The following ZPBP variants were observed in gnomAD, a reference collection of about 807,000 sequenced individuals.
ZPBP encodes the protein zona pellucida binding protein.
ZPBP carries 26 observed loss-of-function variants against 44.8 expected under a neutral mutation model. That is an observed-to-expected ratio of 0.58 (90% CI 0.43 to 0.81). The LOEUF (loss-of-function observed/expected upper bound fraction) is 0.81, where lower values mean the gene tolerates loss of function less well. ZPBP is among the 30% of genes least tolerant of loss of function. ZPBP has a pLI of 0.00. For missense variants in ZPBP, 409 were observed against 434.0 expected (o/e 0.94, Z 0.51); for synonymous variants, 174 against 153.2 (o/e 1.14, Z -1.00).
intron 3 of ZPBP, among the ~76,000 whole-genome samples, chr7:50,063,847 G>C (rs566200498): frequency 3.9e-5 from 6 of 152,214 alleles, no homozygotes; most frequent in Non-Finnish European, 5.9e-5. Context: ...AATAAATCTA[G>C]TGCCCTTGAT....
intron 2 of ZPBP, among the ~76,000 whole-genome samples, chr7:49,892,629 T>C (rs886981805): frequency 6.6e-6 from 1 of 152,220 alleles, no homozygotes; most frequent in Non-Finnish European, 1.5e-5. Context: ...TTTTTGTGTG[T>C]GCTCTCTCAG....
intron 2 of ZPBP, among the ~76,000 whole-genome samples, chr7:49,899,783 A>G (rs1046123660): frequency 6.6e-6 from 1 of 151,970 alleles, no homozygotes; most frequent in African/African-American, 2.4e-5. Flanking sequence ...AAAAATCAGT[A>G]AGGACATAGT....
At chr7:49,885,505 A>AAGAG (rs1791862786) in intron 2 of ZPBP, among the ~76,000 whole-genome samples, 1 of 152,200 alleles carries the variant, frequency 6.6e-6, no homozygotes. Flanking sequence ...AAAAGGTAAA[A>AAGAG]CTCGTTATAT....
chr7:49,848,685 C>T (rs113161397), downstream of ZPBP, among the ~76,000 whole-genome samples: 4,023 of 152,296 alleles, frequency 0.026, 154 homozygotes, highest in South Asian at 0.12. Flanking sequence ...CCTCCTCAGA[C>T]CTTATATGTT....
intron 1 of ZPBP, among the ~76,000 whole-genome samples, chr7:50,091,426 G>A (rs1201265676): frequency 6.6e-6 from 1 of 152,076 alleles, no homozygotes; most frequent in Admixed American, 6.6e-5. Context: ...GGGATAATTG[G>A]AAAGCCACAT....
chr7:49,967,692 ATG>A (rs532959729), intron 7 of ZPBP, among the ~76,000 whole-genome samples: 167 of 152,242 alleles, frequency 1.1e-3, no homozygotes, highest in African/African-American at 3.9e-3. Context: ...GATTACAGGC[ATG>A]TGCCACCACG....
At chr7:49,861,033 ACT>A (rs1790631719) in intron 2 of ZPBP, among the ~76,000 whole-genome samples, 1 of 152,142 alleles carries the variant, frequency 6.6e-6, no homozygotes, top group Non-Finnish European at 1.5e-5. Context: ...TAAGAAAGTA[ACT>A]CTGTTTTAAT....
chr7:49,932,399 G>A (rs1045455644), intron 1 of ZPBP, among the ~76,000 whole-genome samples: 2 of 152,256 alleles, frequency 1.3e-5, no homozygotes, highest in African/African-American at 4.8e-5. Flanking sequence ...ACCTGGATGT[G>A]AGACATGGAG....
At chr7:49,885,176 A>C (rs1232071446) in intron 2 of ZPBP, among the ~76,000 whole-genome samples, 1 of 152,144 alleles carries the variant, frequency 6.6e-6, no homozygotes, top group Non-Finnish European at 1.5e-5. Context: ...CACATAAGAA[A>C]TTGAAATAAT....
intron 1 of ZPBP, chr7:49,920,049 A>G (rs1027456529): frequency 6.6e-6 from 1 of 152,014 alleles, no homozygotes; most frequent in African/African-American, 2.4e-5. Flanking sequence ...TTTTTTTGGT[A>G]CAATAAACAG....
chr7:49,879,229 A>T (rs1225025335), intron 2 of ZPBP, among the ~76,000 whole-genome samples: 6 of 152,136 alleles, frequency 3.9e-5, no homozygotes, highest in Non-Finnish European at 1.5e-5. Flanking sequence ...CTTTTATCTT[A>T]TTGAATATAG....
chr7:50,012,785 A>G (rs545904866), intron 6 of ZPBP, among the ~76,000 whole-genome samples: 100 of 150,800 alleles, frequency 6.6e-4, no homozygotes, highest in African/African-American at 2.3e-3. Flanking sequence ...TGTAGATTAC[A>G]GGTATTCAGA....
At chr7:49,982,592 A>T (rs572085054) in intron 7 of ZPBP, among the ~76,000 whole-genome samples, 36 of 151,282 alleles carry the variant, frequency 2.4e-4, no homozygotes, top group African/African-American at 8.2e-4. Flanking sequence ...CTCAATCTCA[A>T]ACTTCTCAGC....
intron 2 of ZPBP, among the ~76,000 whole-genome samples, chr7:49,863,690 G>A (rs1373056179): frequency 6.6e-6 from 1 of 152,006 alleles, no homozygotes; most frequent in Non-Finnish European, 1.5e-5. Context: ...CTCAGCCTCC[G>A]AAAGTGCTGG....
At chr7:49,952,581 CATT>C (rs1359889306) in intron 7 of ZPBP, among the ~76,000 whole-genome samples, 16 of 151,948 alleles carry the variant, frequency 1.1e-4, no homozygotes, top group Non-Finnish European at 1.9e-4. Flanking sequence ...AAGCCCATCA[CATT>C]ACAGGCAGGG....
intron 2 of ZPBP, among the ~76,000 whole-genome samples, chr7:49,893,960 C>T (rs1225283427): frequency 6.6e-6 from 1 of 152,156 alleles, no homozygotes; most frequent in Non-Finnish European, 1.5e-5. Context: ...ATGCTGGACC[C>T]TGCTGGGCTC....
rs189986138 is a variant in ZPBP at position 49,880,438 on chromosome 7, T to C, written n.509+20680A>G. On this transcript the variant is annotated intron_variant and non_coding_transcript_variant, in intron 2 of 2. Transcript: ENST00000465922. Reference sequence around the variant, plus strand: ...AGCATTTTGTTTTCTTTTGTTTTGTTTTTGACCTGGAGTTTTCCTTGTGGG... The same window carrying C: ...AGCATTTTGTTTTCTTTTGTTTTGTCTTTGACCTGGAGTTTTCCTTGTGGG... Among the ~76,000 whole-genome samples, 98 of 151,764 alleles carry C rather than the reference T, an allele frequency of 6.5e-4. 1 individual carries two copies. The East Asian group carries it at 0.018, about 28-fold the overall frequency.
intron 4 of ZPBP, among the ~76,000 whole-genome samples, chr7:50,050,166 C>T (rs1371014104): frequency 1.3e-5 from 2 of 151,980 alleles, no homozygotes; most frequent in Admixed American, 1.3e-4. Flanking sequence ...AGGAAGGATG[C>T]AATTCTTCCC....
At chr7:50,028,926 G>A (rs1237045796) in intron 5 of ZPBP, among the ~76,000 whole-genome samples, 2 of 152,092 alleles carry the variant, frequency 1.3e-5, no homozygotes, top group Non-Finnish European at 2.9e-5. Flanking sequence ...CCAAAGCTAT[G>A]TCCAGATCCA....
Sources: gnomAD v4.1 joint callset for allele counts (sites outside exome capture counted in the v4.1 genomes callset) on GRCh38, gnomAD v4.1.1 for gene constraint, MANE v1.5 for transcripts, NCBI Gene and HGNC (gene_info 2026-07-23, HGNC 2026-07-21) for gene names.